Variants in HAPLN1 observed in about 807,000 individuals in gnomAD.
The protein encoded by HAPLN1 is Cartilage link protein.
In HAPLN1, 13 loss-of-function variants were observed where a neutral mutation model predicts 36.5. The observed-to-expected ratio is 0.36, with a 90% CI of 0.23 to 0.57. The LOEUF is 0.57. Ranked by LOEUF, HAPLN1 falls within the 20% of genes least tolerant of loss-of-function variation. The pLI is 0.83. For missense variants in HAPLN1, 407 were observed against 439.7 expected (o/e 0.93, Z 0.66); for synonymous variants, 202 against 169.8 (o/e 1.19, Z -1.48).
At chr5:83,706,105 A>G (rs1195576195) in intron 1 of HAPLN1, among the ~76,000 whole-genome samples, 2 of 130,744 alleles carry the variant, frequency 1.5e-5, no homozygotes, top group Non-Finnish European at 3.2e-5. Context: ...CTACCAATCG[A>G]AAAAAAAAAA....
chr5:83,649,463 T>G (rs540676164), intron 3 of HAPLN1, among the ~76,000 whole-genome samples: 113 of 152,296 alleles, frequency 7.4e-4, no homozygotes, highest in African/African-American at 2.5e-3. Context: ...TTGTTTGTTT[T>G]TTTGAGACGG....
chr5:83,651,779 G>A (rs1750069331), intron 3 of HAPLN1, among the ~76,000 whole-genome samples: 1 of 152,178 alleles, frequency 6.6e-6, no homozygotes, highest in Admixed American at 6.5e-5. Context: ...GGTCTCTAGA[G>A]GGTGGACATT....
intron 3 of HAPLN1, among the ~76,000 whole-genome samples, chr5:83,646,506 A>G (rs140521553): frequency 5.3e-4 from 80 of 152,332 alleles, no homozygotes; most frequent in African/African-American, 1.8e-3. Context: ...AGTCACATCC[A>G]CTGAAGGCCT....
chr5:83,656,302 T>C (rs922220547), intron 2 of HAPLN1, among the ~76,000 whole-genome samples: 4 of 109,500 alleles, frequency 3.7e-5, no homozygotes, highest in African/African-American at 1.5e-4. Flanking sequence ...TACCCCAGCC[T>C]GGGCAACACA....
At chr5:83,672,199 G>A (rs369423852) in intron 2 of HAPLN1, among the ~76,000 whole-genome samples, 42 of 152,214 alleles carry the variant, frequency 2.8e-4, no homozygotes, top group African/African-American at 9.4e-4. Flanking sequence ...TATTAATAAC[G>A]ACTAGGTATT....
chr5:83,707,906 C>T (rs1303497871), intron 1 of HAPLN1, among the ~76,000 whole-genome samples: 1 of 152,126 alleles, frequency 6.6e-6, no homozygotes, highest in African/African-American at 2.4e-5. Context: ...GGGCAAAGGA[C>T]GTCAACAGAA....
chr5:83,640,545 G>A lies in HAPLN1; in HGVS notation c.*951C>T, dbSNP rs189811607. The A allele has an allele frequency of 2.0e-4, 30 of 152,256 alleles. No homozygotes were observed. Among genetic ancestry groups the A allele is most frequent in the African/African-American group, 6.5e-4 (27 of 41,544 alleles). 9.4% of individuals were successfully genotyped at this position (152,256 alleles called of 1,614,324 possible). On this transcript the variant is annotated 3_prime_UTR_variant, in exon 5 of 5. Transcript: ENST00000274341. ...ATAATGTAATTGATTTTCATATAAT[G>A]TAAATATGAAATATTAAATCAGTTT...
At chr5:83,696,164 A>G (rs900311915) in intron 1 of HAPLN1, among the ~76,000 whole-genome samples, 1 of 152,172 alleles carries the variant, frequency 6.6e-6, no homozygotes, top group Non-Finnish European at 1.5e-5. Flanking sequence ...AGAATACCAT[A>G]TACCAAAGCA....
chr5:83,718,446 A>G (rs1193486587), intron 1 of HAPLN1, among the ~76,000 whole-genome samples: 1 of 152,178 alleles, frequency 6.6e-6, no homozygotes, highest in Non-Finnish European at 1.5e-5. Context: ...AGACCCTCCC[A>G]TTCAGTGTAA....
intron 1 of HAPLN1, chr5:83,674,796 G>T (rs1750822479): frequency 6.6e-6 from 1 of 152,188 alleles, no homozygotes; most frequent in Non-Finnish European, 1.5e-5. Context: ...CTCTACTCCA[G>T]AACCTAATTC....
intron 1 of HAPLN1, among the ~76,000 whole-genome samples, chr5:83,678,220 G>GTGTGTGTGTGTGTGTGTGTGTGTGTGT (rs1554049527): frequency 1.4e-5 from 2 of 142,536 alleles, no homozygotes; most frequent in Non-Finnish European, 3.1e-5. Context: ...CTATAGTTTG[G>GTGTGTGTGTGTGTGTGTGTGTGTGTGT]GTGTGTGTGT....
At chr5:83,664,174 T>G (rs1561307858) in intron 2 of HAPLN1, among the ~76,000 whole-genome samples, 1 of 152,106 alleles carries the variant, frequency 6.6e-6, no homozygotes, top group Non-Finnish European at 1.5e-5. Flanking sequence ...TCAAGCCTAT[T>G]CTAATCTCAG....
intron 1 of HAPLN1, among the ~76,000 whole-genome samples, chr5:83,715,548 G>A (rs1324377904): frequency 1.3e-5 from 2 of 152,210 alleles, no homozygotes; most frequent in Non-Finnish European, 2.9e-5. Flanking sequence ...AACACCTAGC[G>A]TGGTGCCTGC....
At chr5:83,641,853 C>A (rs527756677) in intron 4 of HAPLN1, 68 bp from the exon 5 acceptor site, 3 of 1,482,720 alleles carry the variant, frequency 2.0e-6, no homozygotes, top group African/African-American at 1.4e-5. Context: ...TAGAAAGAGC[C>A]AAAAACGGAA....
At chr5:83,661,399 GT>G (rs1208556429) in intron 2 of HAPLN1, among the ~76,000 whole-genome samples, 2 of 127,386 alleles carry the variant, frequency 1.6e-5, no homozygotes, top group Non-Finnish European at 3.3e-5. Context: ...TCTTACCCCT[GT>G]TAAGAATCAC....
At chr5:83,695,118 T>C (rs112638120) in intron 1 of HAPLN1, among the ~76,000 whole-genome samples, 8 of 152,304 alleles carry the variant, frequency 5.3e-5, no homozygotes, top group African/African-American at 1.4e-4. Flanking sequence ...AGAAAATCAA[T>C]GTAATTCATT....
chr5:83,702,283 T>TA (rs147034961), intron 1 of HAPLN1, among the ~76,000 whole-genome samples: 2,400 of 152,306 alleles, frequency 0.016, 56 homozygotes, highest in African/African-American at 0.055. Context: ...CTTAAAAAAA[T>TA]AGATATAACA....
intron 4 of HAPLN1, among the ~76,000 whole-genome samples, chr5:83,642,793 C>G (rs920328915): frequency 2.0e-5 from 3 of 151,914 alleles, no homozygotes; most frequent in South Asian, 2.1e-4. Flanking sequence ...GGAATATTAA[C>G]TAGAGGTTAA....
Position 83,652,504 on chromosome 5 carries a change from C to T in HAPLN1, c.421G>A (p.Val141Met), listed in dbSNP as rs553453832. 2.0e-5 allele frequency: 33 copies of T among 1,614,136 alleles called. No individual in the cohort carries two copies. The South Asian group carries it at 3.2e-4, about 16-fold the overall frequency. Reference sequence around the variant, plus strand: ...GTATCATCTTCTAATCCTTCAATCACCTCACACTTATATCTCCCATAATCT... The same window carrying T: ...GTATCATCTTCTAATCCTTCAATCATCTCACACTTATATCTCCCATAATCT... ...LEDYGRYKCE[V>M]IEGLEDDTVV... Residue 141 changes from valine (V) to methionine (M), a missense_variant, in exon 3 of 5, where the codon GTG (valine) becomes ATG (methionine). Val to Met is a conservative substitution (Grantham distance 21). Transcript: ENST00000274341.
Sources: gnomAD v4.1 joint callset for allele counts (sites outside exome capture counted in the v4.1 genomes callset) on GRCh38, gnomAD v4.1.1 for gene constraint, MANE v1.5 for transcripts, NCBI Gene and HGNC (gene_info 2026-07-23, HGNC 2026-07-21) for gene names.